ZNF148: variants seen among roughly 807,000 people sequenced by gnomAD.
ZNF148 encodes zinc finger protein 148, also known as Beta-Enolase Repressor Factor-1.
ZNF148 carries 7 observed loss-of-function variants against 67.7 expected under a neutral mutation model. The observed-to-expected ratio is 0.10, with a 90% confidence interval of 0.06 to 0.19. The LOEUF (loss-of-function observed/expected upper bound fraction) is 0.19, where lower values mean the gene tolerates loss of function less well. Among genes scored for constraint, ZNF148 ranks in the 10% least tolerant of loss-of-function variants. The pLI is 1.00. For synonymous variants in ZNF148, 333 were observed against 330.7 expected, an observed-to-expected ratio of 1.01 and a Z score of -0.08; for missense variants, 583 against 947.1, an observed-to-expected ratio of 0.62 and a Z score of 5.05.
At chr3:125,327,407 A>C (rs988583866) in intron 2 of ZNF148, among the ~76,000 whole-genome samples, 1 of 152,236 alleles carries the variant, frequency 6.6e-6, no homozygotes, top group Non-Finnish European at 1.5e-5. Context: ...AGTGGCATAT[A>C]TAGAAAACAC....
chr3:125,277,864 G>C, intron 6 of ZNF148, 55 bp from the exon 7 acceptor site: 1 of 1,448,824 alleles, frequency 6.9e-7, no homozygotes. Flanking sequence ...ACGGTTTTTA[G>C]TTACTGTTTC....
rs752542874 is a variant in ZNF148 at position 125,317,662 on chromosome 3, T to TATATATATAGAGAGAGAGAG, written c.-16-4007_-16-4006insCTCTCTCTCTCTATATATAT. Among the ~76,000 whole-genome samples, 315 of 90,012 alleles carry TATATATATAGAGAGAGAGAG rather than the reference T, an allele frequency of 3.5e-3. 1 individual carries two copies. The highest frequency in any genetic ancestry group is 4.7e-3 in the Non-Finnish European group (217 of 45,876). 59.1% of individuals were successfully genotyped at this position (90,012 alleles called of 152,430 possible). A position where few individuals can be genotyped will look rare whatever the true frequency, so the allele number is the denominator to read the frequency against. Reference sequence around the variant, plus strand: ...GATCTTTTATATATATATATATATATAGAGAGAGAGAGAGAGAAATACATA... The same window carrying TATATATATAGAGAGAGAGAG: ...GATCTTTTATATATATATATATATATATATATATAGAGAGAGAGAGAGAGAGAGAGAGAGAGAAATACATA... On this transcript the variant is annotated intron_variant, in intron 3 of 8. Coordinates refer to ENST00000360647, the MANE Select transcript of ZNF148 (RefSeq NM_021964.3).
chr3:125,344,589 G>T, intron 1 of ZNF148: 1 of 848,760 alleles, frequency 1.2e-6, no homozygotes, highest in Non-Finnish European at 2.0e-6. Context: ...ATCCTTCTTT[G>T]CCACCATTTA....
At position 125,229,008 on chromosome 3, in the gene ZNF148, CAACTGGAAAATTA is replaced by C. The variant is rs1189876065; in HGVS notation, c.*3320_*3332del. ...TTTTTATTTGCAGAATATAGCAAAA[CAACTGGAAAATTA>C]TTTCCCTGAAATAAAGCAATTTGAA... On this transcript the variant is annotated 3_prime_UTR_variant, in exon 9 of 9. Transcript: ENST00000360647. 1 of 152,222 alleles carries C rather than the reference CAACTGGAAAATTA, an allele frequency of 6.6e-6. No homozygotes were observed. The highest frequency in any genetic ancestry group is 1.5e-5 in the Non-Finnish European group (1 of 67,938). 9.4% of individuals were successfully genotyped at this position (152,222 alleles called of 1,614,324 possible). A position where few individuals can be genotyped will look rare whatever the true frequency, so the allele number is the denominator to read the frequency against.
intron 1 of ZNF148, among the ~76,000 whole-genome samples, chr3:125,341,985 ACT>A (rs1166940361): frequency 1.2e-5 from 1 of 80,980 alleles, no homozygotes; most frequent in South Asian, 4.2e-4. Flanking sequence ...ACAGAGCCAC[ACT>A]CTGTTTCGGG....
chr3:125,286,586 G>A (rs1036040858), intron 5 of ZNF148, among the ~76,000 whole-genome samples: 6 of 152,066 alleles, frequency 3.9e-5, no homozygotes, highest in African/African-American at 1.4e-4. Flanking sequence ...ATTTAAAACA[G>A]AAACAAAAGG....
intron 1 of ZNF148, among the ~76,000 whole-genome samples, chr3:125,371,657 C>T (rs9815953): frequency 0.74 from 99,930 of 134,760 alleles, 37,101 homozygotes; most frequent in African/African-American, 0.85. Flanking sequence ...AGACTCCGTC[C>T]CAAAAAAAAA....
intron 1 of ZNF148, among the ~76,000 whole-genome samples, chr3:125,331,662 C>G (rs959061239): frequency 6.6e-6 from 1 of 152,100 alleles, no homozygotes; most frequent in African/African-American, 2.4e-5. Context: ...TTTCCCTCAG[C>G]TGAAAAAATC....
chr3:125,350,576 G>A (rs1942109883), intron 1 of ZNF148, among the ~76,000 whole-genome samples: 1 of 152,194 alleles, frequency 6.6e-6, no homozygotes, highest in African/African-American at 2.4e-5. Flanking sequence ...GTCAAGGATG[G>A]TTTCAGGATG....
At chr3:125,293,822 T>C (rs1939144732) in intron 4 of ZNF148, among the ~76,000 whole-genome samples, 4 of 152,160 alleles carry the variant, frequency 2.6e-5, no homozygotes, top group South Asian at 4.1e-4. Flanking sequence ...GTAAACATCA[T>C]GGTAATAACC....
intron 1 of ZNF148, among the ~76,000 whole-genome samples, chr3:125,337,952 T>A (rs1000507241): frequency 1.9e-4 from 28 of 149,122 alleles, no homozygotes; most frequent in Non-Finnish European, 3.6e-4. Flanking sequence ...AAAAAAAAAT[T>A]TTTTTTGTTA....
intron 4 of ZNF148, 102 bp from the exon 5 acceptor site, chr3:125,288,330 CT>C: frequency 8.1e-7 from 1 of 1,241,592 alleles, no homozygotes; most frequent in Non-Finnish European, 1.1e-6. Context: ...CATACAGGTG[CT>C]TCCAGAATGA....
In ZNF148 at chr3:125,230,583, G is replaced by C. The variant is rs1229666912; in HGVS notation, c.*1758C>G. 1 of 152,378 alleles carries C rather than the reference G, an allele frequency of 6.6e-6. No homozygotes were observed. Among genetic ancestry groups the C allele is most frequent in the Non-Finnish European group, 1.5e-5 (1 of 67,952 alleles). The allele number at this position is 152,378 out of a possible 1,614,324, so 9.4% of individuals were successfully genotyped here. A position where few individuals can be genotyped will look rare whatever the true frequency, so the allele number is the denominator to read the frequency against. ...AAATAAATGAAGGATGTTAAGGGTGGATAGTTATTTCTTCCCTTTCTTTAT... is the reference window on the plus strand; with the variant it reads ...AAATAAATGAAGGATGTTAAGGGTGCATAGTTATTTCTTCCCTTTCTTTAT... On this transcript the variant is annotated 3_prime_UTR_variant, in exon 9 of 9. Transcript: ENST00000360647.
intron 1 of ZNF148, among the ~76,000 whole-genome samples, chr3:125,364,003 A>G (rs1378062345): frequency 6.6e-6 from 1 of 152,154 alleles, no homozygotes; most frequent in Non-Finnish European, 1.5e-5. Flanking sequence ...TCTTCATTAC[A>G]AAAAGAGAAA....
intron 7 of ZNF148, among the ~76,000 whole-genome samples, chr3:125,261,812 CAG>C (rs1937353035): frequency 7.7e-6 from 1 of 129,074 alleles, no homozygotes; most frequent in Admixed American, 8.1e-5. Context: ...AATAACCTGA[CAG>C]GGGTTGACAA....
intron 7 of ZNF148, among the ~76,000 whole-genome samples, chr3:125,267,120 T>C (rs1579659619): frequency 6.8e-6 from 1 of 147,376 alleles, no homozygotes; most frequent in African/African-American, 2.5e-5. Context: ...CACAGCTGAA[T>C]TCTACCAAAT....
At chr3:125,330,776 A>G (rs1180786042) in intron 2 of ZNF148, among the ~76,000 whole-genome samples, 1 of 152,132 alleles carries the variant, frequency 6.6e-6, no homozygotes, top group African/African-American at 2.4e-5. Flanking sequence ...AAACTGTTAG[A>G]TATCTTCTTT....
At chr3:125,266,747 T>C (rs1407040655) in intron 7 of ZNF148, among the ~76,000 whole-genome samples, 3 of 151,790 alleles carry the variant, frequency 2.0e-5, no homozygotes, top group African/African-American at 7.3e-5. Context: ...CCAAAAACCA[T>C]ACAAAGAATC....
At chr3:125,284,668 T>A (rs1938563608) in intron 5 of ZNF148, among the ~76,000 whole-genome samples, 1 of 152,084 alleles carries the variant, frequency 6.6e-6, no homozygotes. Flanking sequence ...CTTAAAGATT[T>A]CCCCCAAAAA....
Sources: gnomAD v4.1 joint callset for allele counts (sites outside exome capture counted in the v4.1 genomes callset) on GRCh38, gnomAD v4.1.1 for gene constraint, MANE v1.5 for transcripts, NCBI Gene and HGNC (gene_info 2026-07-23, HGNC 2026-07-21) for gene names.